Variants in MCMBP observed in about 807,000 individuals in gnomAD.
The protein encoded by MCMBP is minichromosome maintenance complex binding protein.
In MCMBP, 31 loss-of-function variants were observed where a neutral mutation model predicts 81.3. That is an observed-to-expected ratio of 0.38 (90% confidence interval 0.29 to 0.51). The LOEUF (loss-of-function observed/expected upper bound fraction) is 0.51. Among genes scored for constraint, MCMBP ranks in the 20% least tolerant of loss-of-function variants. The pLI is 0.87. For missense variants in MCMBP, 645 were observed against 772.1 expected (o/e 0.84, Z 1.95); for synonymous variants, 267 against 275.9 (o/e 0.97, Z 0.32).
chr10:119,840,393 C>A (rs980346527), intron 11 of MCMBP, among the ~76,000 whole-genome samples: 1 of 152,162 alleles, frequency 6.6e-6, no homozygotes, highest in Non-Finnish European at 1.5e-5. Context: ...CCTACCACCA[C>A]GCAAATACTG....
intron 5 of MCMBP, among the ~76,000 whole-genome samples, chr10:119,856,660 C>G (rs909950049): frequency 5.3e-5 from 8 of 152,146 alleles, no homozygotes; most frequent in Non-Finnish European, 1.2e-4. Context: ...AAAATCTGTG[C>G]ATTTCAGTGT....
intron 14 of MCMBP, among the ~76,000 whole-genome samples, chr10:119,834,861 C>CAAAAAA (rs71019725): frequency 7.4e-5 from 5 of 67,302 alleles, no homozygotes; most frequent in South Asian, 6.0e-4. Flanking sequence ...GACCCTGTCT[C>CAAAAAA]AAAAAAAAAA....
chr10:119,861,914 A>C (rs1219317545), intron 1 of MCMBP, among the ~76,000 whole-genome samples: 2 of 151,970 alleles, frequency 1.3e-5, no homozygotes, highest in African/African-American at 4.8e-5. Flanking sequence ...CTAATTTTTA[A>C]ATCTTTTTGT....
chr10:119,850,642 G>A lies in MCMBP; in HGVS notation c.575-1066C>T, dbSNP rs551049244. Among the ~76,000 whole-genome samples, 10 of 151,500 alleles carry A rather than the reference G, an allele frequency of 6.6e-5. No individual in the cohort carries two copies. In the South Asian group the frequency reaches 1.9e-3, roughly 28 times the overall value. On this transcript the variant is annotated intron_variant, in intron 6 of 15. Transcript: ENST00000369077. ...TGGGGGCCTGTAGTCCCAGCTACTC[G>A]GGAGGCTGAGGCAGGAGAATGGCGT...
At chr10:119,837,800 A>T (rs1460187278) in intron 12 of MCMBP, among the ~76,000 whole-genome samples, 1 of 152,066 alleles carries the variant, frequency 6.6e-6, no homozygotes, top group Non-Finnish European at 1.5e-5. Context: ...AAAAAAAATT[A>T]TATTAGATCT....
chr10:119,862,586 T>C (rs1853299867), intron 1 of MCMBP, among the ~76,000 whole-genome samples: 1 of 152,232 alleles, frequency 6.6e-6, no homozygotes, highest in Non-Finnish European at 1.5e-5. Context: ...GTTTATGTAT[T>C]TGCTTGCTGA....
chr10:119,868,449 T>C (rs1436650147), intron 1 of MCMBP, among the ~76,000 whole-genome samples: 1 of 152,166 alleles, frequency 6.6e-6, no homozygotes, highest in East Asian at 1.9e-4. Context: ...AAGAAAAATT[T>C]TGAGATTTGT....
At chr10:119,835,787 GC>G (rs1852219567) in intron 13 of MCMBP, 83 bp from the exon 14 acceptor site, 2 of 1,392,816 alleles carry the variant, frequency 1.4e-6, no homozygotes, top group Admixed American at 4.1e-5. Context: ...ATCTCTGTCA[GC>G]CCCTATGGGA....
At position 119,831,284 on chromosome 10, in the gene MCMBP, C is replaced by T. The variant is rs2134327744; in HGVS notation, c.*190G>A. The T allele has an allele frequency of 2.3e-6, 1 of 429,382 alleles. No homozygotes were observed. The highest frequency in any genetic ancestry group is 4.0e-6 in the Non-Finnish European group (1 of 251,044). 26.6% of individuals were successfully genotyped at this position (429,382 alleles called of 1,614,324 possible). ...ATTATAAAACAAACTTCAAAAGCTC[C>T]ATGAAATCAGTAAGGTAAAAGTCCT... On this transcript the variant is annotated 3_prime_UTR_variant, in exon 16 of 16. Transcript: ENST00000369077.
At chr10:119,846,981 T>C (rs929867192) in intron 8 of MCMBP, among the ~76,000 whole-genome samples, 7 of 152,082 alleles carry the variant, frequency 4.6e-5, no homozygotes, top group Non-Finnish European at 8.8e-5. Flanking sequence ...ACTCTAGTTA[T>C]TTAGGTTTAT....
intron 5 of MCMBP, 51 bp downstream of exon 5, chr10:119,857,287 C>G: frequency 7.7e-7 from 1 of 1,299,570 alleles, no homozygotes; most frequent in African/African-American, 1.5e-5. Flanking sequence ...TAATTAAAGG[C>G]TAAGTTTTTA....
chr10:119,871,338 A>G (rs2134417944), intron 1 of MCMBP, among the ~76,000 whole-genome samples: 1 of 151,382 alleles, frequency 6.6e-6, no homozygotes, highest in East Asian at 1.9e-4. Context: ...ACTGCTATAT[A>G]GTGAATTTTT....
At chr10:119,854,455 T>A (rs913465680) in intron 5 of MCMBP, among the ~76,000 whole-genome samples, 1 of 151,302 alleles carries the variant, frequency 6.6e-6, no homozygotes, top group African/African-American at 2.4e-5. Flanking sequence ...GGAATCCTAG[T>A]GCTTTGGGAG....
chr10:119,850,498 C>T (rs1239713632), intron 6 of MCMBP, among the ~76,000 whole-genome samples: 1 of 152,180 alleles, frequency 6.6e-6, no homozygotes, highest in East Asian at 1.9e-4. Context: ...GCCTGTAATC[C>T]CAGCACTTTG....
intron 8 of MCMBP, among the ~76,000 whole-genome samples, chr10:119,843,900 G>C (rs1022368445): frequency 6.6e-6 from 1 of 152,116 alleles, no homozygotes; most frequent in African/African-American, 2.4e-5. Context: ...GACCTCAAGT[G>C]ATCTGCCTGC....
At chr10:119,866,950 G>A (rs1223444999) in intron 1 of MCMBP, among the ~76,000 whole-genome samples, 5 of 151,826 alleles carry the variant, frequency 3.3e-5, no homozygotes, top group Non-Finnish European at 5.9e-5. Context: ...GTGACAGAGC[G>A]AGACTCTGTC....
At position 119,843,372 on chromosome 10, in the gene MCMBP, C is replaced by T; in HGVS notation, c.882G>A (p.Gln294=). 1 of 1,614,092 alleles carries T rather than the reference C, an allele frequency of 6.2e-7. No homozygotes were observed. The highest frequency in any genetic ancestry group is 8.5e-7 in the Non-Finnish European group (1 of 1,179,958). The change falls in exon 9 of 16, where the codon CAG becomes CAA. Residue 294 remains glutamine (Q), a synonymous_variant. Transcript: ENST00000369077. The stretch of plus-strand genomic sequence containing the variant: ...ATGAAGCAGGAGGACTGTGTACTCT[C>T]TGCTCCTCTGCTGTGTCTGTGCACT... The part of the protein sequence containing the change: ...PMECTDTAEE[Q]RVHSPPASLV...
chr10:119,851,165 G>A (rs1220741012), intron 6 of MCMBP, among the ~76,000 whole-genome samples: 2 of 152,048 alleles, frequency 1.3e-5, no homozygotes, highest in African/African-American at 2.4e-5. Flanking sequence ...ACCGCAACCA[G>A]CCTCTCTGTA....
chr10:119,831,547 C>G lies in MCMBP; in HGVS notation c.1850G>C (p.Arg617Thr). Reference sequence around the variant, plus strand: ...TCTTAAAGACTCTAGCTGCTTTGCTCTCAGCCATCGTTCTCTTGACAGCGT... The same window carrying G: ...TCTTAAAGACTCTAGCTGCTTTGCTGTCAGCCATCGTTCTCTTGACAGCGT... ...QTTLSRERWL[R>T]AKQLESLRRT... Residue 617 changes from arginine to threonine, a missense_variant, in exon 16 of 16, where the codon AGA becomes ACA. Physicochemically the swap from Arg to Thr is moderately conservative, Grantham distance 71 (BLOSUM62 -1). Coordinates refer to ENST00000369077, the MANE Select transcript of MCMBP (RefSeq NM_001256378.2). The G allele has an allele frequency of 1.2e-6, 2 of 1,614,056 alleles. No homozygotes were observed. The highest frequency in any genetic ancestry group is 1.7e-6 in the Non-Finnish European group (2 of 1,179,944).
Sources: gnomAD v4.1 joint callset for allele counts (sites outside exome capture counted in the v4.1 genomes callset) on GRCh38, gnomAD v4.1.1 for gene constraint, MANE v1.5 for transcripts, NCBI Gene and HGNC (gene_info 2026-07-23, HGNC 2026-07-21) for gene names.